The following ACVR1C variants were observed in gnomAD, a reference collection of about 807,000 sequenced individuals.
ACVR1C encodes the protein activin A receptor type 1C.
A neutral mutation model predicts 57.9 loss-of-function variants in ACVR1C; 23 were observed. The observed-to-expected ratio is 0.40, with a 90% confidence interval of 0.29 to 0.56. The LOEUF (loss-of-function observed/expected upper bound fraction) is 0.56, where lower values mean the gene tolerates loss of function less well. Among genes scored for constraint, ACVR1C ranks in the 20% least tolerant of loss-of-function variants. ACVR1C has a pLI of 0.50. For synonymous variants in ACVR1C, 214 were observed against 215.3 expected, an observed-to-expected ratio of 0.99 and a Z score of 0.05; for missense variants, 480 against 607.9, an observed-to-expected ratio of 0.79 and a Z score of 2.21.
chr2:157,626,466 C>T (rs1418417771), intron 1 of ACVR1C, among the ~76,000 whole-genome samples: 1 of 152,260 alleles, frequency 6.6e-6, no homozygotes, highest in Admixed American at 6.5e-5. Flanking sequence ...GCCTGCTCTG[C>T]AGATCCAGAT....
intron 1 of ACVR1C, among the ~76,000 whole-genome samples, chr2:157,621,963 C>T (rs1682785462): frequency 6.6e-6 from 1 of 152,142 alleles, no homozygotes; most frequent in Non-Finnish European, 1.5e-5. Flanking sequence ...GAAAAAGTTA[C>T]TTTGCCTTGT....
intron 3 of ACVR1C, among the ~76,000 whole-genome samples, chr2:157,553,131 C>G (rs1687959536): frequency 1.3e-5 from 2 of 152,216 alleles, no homozygotes; most frequent in African/African-American, 4.8e-5. Flanking sequence ...CAAACTGTCT[C>G]ACATTTAAAG....
intron 1 of ACVR1C, among the ~76,000 whole-genome samples, chr2:157,613,770 T>C (rs1682586289): frequency 6.6e-6 from 1 of 152,188 alleles, no homozygotes; most frequent in South Asian, 2.1e-4. Context: ...TTAATAACAT[T>C]TTGTTGAGGA....
Position 157,562,289 on chromosome 2 carries a change from G to A in ACVR1C, c.305-5957C>T, listed in dbSNP as rs199818522. On this transcript the variant is annotated intron_variant, in intron 2 of 8. Transcript: ENST00000243349. ...CAGCCTAATGACAGAGCAAGACACC[G>A]TCTCAAAAAAAAAAAAATATATATA... is the stretch of plus-strand genomic sequence containing the variant. Among the ~76,000 whole-genome samples the A allele has an allele frequency of 1.2e-3, 132 of 110,566 alleles. 1 individual carries two copies. In the East Asian group the frequency reaches 0.017, roughly 14 times the overall value. The allele number at this position is 110,566 out of a possible 152,430, so 72.5% of individuals were successfully genotyped here. A position where few individuals can be genotyped will look rare whatever the true frequency, so the allele number is the denominator to read the frequency against.
At chr2:157,535,555 C>T (rs569702230) in intron 8 of ACVR1C, among the ~76,000 whole-genome samples, 1 of 152,170 alleles carries the variant, frequency 6.6e-6, no homozygotes, top group South Asian at 2.1e-4. Flanking sequence ...TGGCCAGGTG[C>T]GGTGGCTCAC....
At chr2:157,565,184 A>G (rs1688334591) in intron 2 of ACVR1C, among the ~76,000 whole-genome samples, 1 of 152,192 alleles carries the variant, frequency 6.6e-6, no homozygotes, top group African/African-American at 2.4e-5. Context: ...GATTATCACG[A>G]GATATTCCAT....
intron 3 of ACVR1C, among the ~76,000 whole-genome samples, chr2:157,554,737 G>A (rs771384270): frequency 5.9e-5 from 9 of 152,110 alleles, no homozygotes; most frequent in Non-Finnish European, 1.2e-4. Flanking sequence ...TCTGTTAATT[G>A]TTACTGCCTG....
At chr2:157,540,261 A>T (rs994960836) in intron 7 of ACVR1C, among the ~76,000 whole-genome samples, 3 of 152,008 alleles carry the variant, frequency 2.0e-5, no homozygotes, top group Non-Finnish European at 2.9e-5. Flanking sequence ...ACTCTAAACC[A>T]TTTTCTACCA....
At chr2:157,586,979 T>A (rs887475781) in intron 2 of ACVR1C, among the ~76,000 whole-genome samples, 18 of 152,144 alleles carry the variant, frequency 1.2e-4, no homozygotes, top group Non-Finnish European at 2.1e-4. Context: ...AATTGTTACG[T>A]TATTGTCAAT....
At chr2:157,586,734 T>C (rs1017781317) in intron 2 of ACVR1C, among the ~76,000 whole-genome samples, 1 of 152,130 alleles carries the variant, frequency 6.6e-6, no homozygotes, top group African/African-American at 2.4e-5. Flanking sequence ...AAAGAAGATA[T>C]GCAGAGGATA....
intron 3 of ACVR1C, among the ~76,000 whole-genome samples, chr2:157,550,734 C>CAAAAA (rs61211065): frequency 3.6e-5 from 5 of 138,612 alleles, no homozygotes; most frequent in Admixed American, 7.1e-5. Flanking sequence ...AGAGTAAAAG[C>CAAAAA]AAAAAAAAAA....
At chr2:157,584,787 CATAACAGCTTTGCGA>C (rs1477503773) in intron 2 of ACVR1C, among the ~76,000 whole-genome samples, 2 of 152,294 alleles carry the variant, frequency 1.3e-5, no homozygotes, top group East Asian at 1.9e-4. Flanking sequence ...CGTGAATGCT[CATAACAGCTTTGCGA>C]ATAACAGCCC....
At chr2:157,566,226 A>G (rs867131852) in intron 2 of ACVR1C, among the ~76,000 whole-genome samples, 1 of 152,236 alleles carries the variant, frequency 6.6e-6, no homozygotes, top group South Asian at 2.1e-4. Flanking sequence ...AGCAGCACCC[A>G]TATCTCAATC....
chr2:157,604,873 T>A (rs908312789), intron 1 of ACVR1C, among the ~76,000 whole-genome samples: 1 of 151,856 alleles, frequency 6.6e-6, no homozygotes, highest in Non-Finnish European at 1.5e-5. Flanking sequence ...ACAGCATCTT[T>A]CAAGGAACAG....
In ACVR1C at chr2:157,544,545, A is replaced by G. The variant is rs116789580; in HGVS notation, c.843T>C (p.Tyr281=). The change falls in exon 5 of 9, where the codon TAT becomes TAC. Residue 281 remains tyrosine, a synonymous_variant. Coordinates refer to ENST00000243349, the MANE Select transcript of ACVR1C (RefSeq NM_145259.3). The stretch of plus-strand genomic sequence containing the variant: ...CCACGGTCACTATATTTCTATTCAA[A>G]TAGTCATATAAGGAGCCCTGTTCAT... ...EYHEQGSLYD[Y]LNRNIVTVAG... The G allele has an allele frequency of 1.5e-4, 241 of 1,614,042 alleles. 3 individuals are homozygous for G. In the African/African-American group the frequency reaches 2.9e-3, roughly 20 times the overall value.
chr2:157,540,919 T>G (rs1687611050), intron 7 of ACVR1C, among the ~76,000 whole-genome samples, 171 bp downstream of exon 7: 1 of 152,172 alleles, frequency 6.6e-6, no homozygotes, highest in Non-Finnish European at 1.5e-5. Flanking sequence ...AAATCTCCAT[T>G]ACATGCAAGA....
intron 1 of ACVR1C, among the ~76,000 whole-genome samples, chr2:157,595,178 T>A (rs539909438): frequency 6.6e-6 from 1 of 152,340 alleles, no homozygotes; most frequent in Admixed American, 6.5e-5. Flanking sequence ...TTGTGTGGAT[T>A]CTCTTAAAAC....
intron 1 of ACVR1C, among the ~76,000 whole-genome samples, chr2:157,589,832 A>G (rs1055653401): frequency 1.3e-5 from 2 of 151,982 alleles, no homozygotes; most frequent in Admixed American, 6.6e-5. Context: ...ATAAAAGTAG[A>G]CACATAGACC....
intron 1 of ACVR1C, among the ~76,000 whole-genome samples, chr2:157,616,742 T>C (rs973169197): frequency 2.0e-5 from 3 of 151,840 alleles, no homozygotes; most frequent in African/African-American, 7.3e-5. Flanking sequence ...GTGTGAAGAG[T>C]AATGAGTGAA....
Sources: allele counts gnomAD v4.1 joint callset (sites outside exome capture counted in the v4.1 genomes callset), GRCh38; gene constraint gnomAD v4.1.1; transcripts MANE v1.5; gene names NCBI Gene and HGNC (gene_info 2026-07-23, HGNC 2026-07-21).